FAM32A: variants seen among roughly 807,000 people sequenced by gnomAD.
The protein encoded by FAM32A is protein FAM32A.
Under a neutral mutation model 15.8 loss-of-function variants are expected in FAM32A, and 9 were observed. The observed-to-expected ratio is 0.57, with a 90% CI of 0.34 to 1.00. The LOEUF (loss-of-function observed/expected upper bound fraction) is 1.00. FAM32A is among the 50% of genes least tolerant of loss of function. The pLI is 0.02. For missense variants in FAM32A, 113 were observed against 138.3 expected (o/e 0.82, Z 0.92); for synonymous variants, 64 against 54.9 (o/e 1.16, Z -0.73).
At chr19:16,185,808 C>A (rs2091383604) in intron 2 of FAM32A, 43 bp downstream of exon 2, 1 of 1,535,976 alleles carries the variant, frequency 6.5e-7, no homozygotes, top group Non-Finnish European at 8.8e-7. Context: ...GAACACCCGG[C>A]GCCGGGAGAC....
chr19:16,188,432 G>T (rs2091393810), intron 2 of FAM32A, among the ~76,000 whole-genome samples: 1 of 152,188 alleles, frequency 6.6e-6, no homozygotes, highest in Non-Finnish European at 1.5e-5. Context: ...TTTAAAGAAG[G>T]TAAATGCAGT....
intron 1 of FAM32A, 26 bp from the exon 2 acceptor site, chr19:16,185,598 C>A (rs58030759): frequency 4.0e-5 from 64 of 1,596,904 alleles, no homozygotes; most frequent in Non-Finnish European, 5.0e-5. Context: ...TCCTCCGACC[C>A]GCCGCCTCCT....
intron 2 of FAM32A, among the ~76,000 whole-genome samples, 166 bp from the exon 3 acceptor site, chr19:16,190,354 T>C (rs897473750): frequency 1.3e-5 from 2 of 152,144 alleles, no homozygotes. Context: ...GGTTCCCTGT[T>C]GGACCAGCCT....
chr19:16,187,021 G>T (rs902063710), intron 2 of FAM32A, among the ~76,000 whole-genome samples: 1 of 152,130 alleles, frequency 6.6e-6, no homozygotes, highest in African/African-American at 2.4e-5. Context: ...GGGGAAAATG[G>T]ACCTTGGGGA....
At chr19:16,189,552 T>TCATAGGCA (rs1168567149) in intron 2 of FAM32A, 1 of 151,602 alleles carries the variant, frequency 6.6e-6, no homozygotes, top group Non-Finnish European at 1.5e-5. Context: ...AAGGGATGAA[T>TCATAGGCA]CATAGGCAGC....
At chr19:16,185,957 C>T (rs1203811272) in intron 2 of FAM32A, among the ~76,000 whole-genome samples, 192 bp downstream of exon 2, 1 of 152,142 alleles carries the variant, frequency 6.6e-6, no homozygotes, top group African/African-American at 2.4e-5. Flanking sequence ...TGAGAAGACC[C>T]CGCTGGCCCG....
At chr19:16,190,735 T>A in intron 3 of FAM32A, 152 bp from the exon 4 acceptor site, 2 of 846,054 alleles carry the variant, frequency 2.4e-6, no homozygotes, top group Non-Finnish European at 4.0e-6. Flanking sequence ...GAGCCCAGGG[T>A]TCAGGAGTCT....
At chr19:16,189,019 CTTTTTT>C (rs11340905) in intron 2 of FAM32A, among the ~76,000 whole-genome samples, 1 of 83,394 alleles carries the variant, frequency 1.2e-5, no homozygotes, top group African/African-American at 4.3e-5. Context: ...CTCAGTGCTT[CTTTTTT>C]TTTTTTTTTT....
chr19:16,188,047 A>G (rs1463651402), intron 2 of FAM32A, among the ~76,000 whole-genome samples: 1 of 152,206 alleles, frequency 6.6e-6, no homozygotes, highest in African/African-American at 2.4e-5. Context: ...TGCCTGGCCA[A>G]GTAAATGCAT....
chr19:16,190,675 A>C (rs1238328037), intron 3 of FAM32A, 102 bp downstream of exon 3: 8 of 995,252 alleles, frequency 8.0e-6, no homozygotes, highest in Non-Finnish European at 1.3e-5. Context: ...GTTGACGAGA[A>C]GGGAAGTTTA....
At position 16,191,246 on chromosome 19, in the gene FAM32A, TA is replaced by T; in HGVS notation, c.*296del. On this transcript the variant is annotated 3_prime_UTR_variant, in exon 4 of 4. Transcript: ENST00000263384. ...AAGCCCATTGTGTGTCTGTGTCATGTAAAAATGTTTTCACCCGAGTTGCATG... is the reference window on the plus strand; with the variant it reads ...AAGCCCATTGTGTGTCTGTGTCATGTAAAATGTTTTCACCCGAGTTGCATG... 5.0e-6 allele frequency: 2 copies of T among 401,908 alleles called. No individual in the cohort carries two copies. The highest frequency in any genetic ancestry group is 9.4e-6 in the Non-Finnish European group (2 of 212,618). The allele number at this position is 401,908 out of a possible 1,614,324, so 24.9% of individuals were successfully genotyped here. A position where few individuals can be genotyped will look rare whatever the true frequency, so the allele number is the denominator to read the frequency against.
chr19:16,189,668 C>CT lies in FAM32A; in HGVS notation c.217-826dup, dbSNP rs71178652. Among the ~76,000 whole-genome samples the CT allele has an allele frequency of 8.7e-3, 512 of 58,576 alleles. 84 individuals carry two copies. Among genetic ancestry groups the CT allele is most frequent in the African/African-American group, 0.023 (341 of 14,762 alleles). The allele number at this position is 58,576 out of a possible 152,430, so 38.4% of individuals were successfully genotyped here. On this transcript the variant is annotated intron_variant, in intron 2 of 3. Coordinates refer to ENST00000263384, the MANE Select transcript of FAM32A (RefSeq NM_014077.4). ...TGGCTTTATATCCCACACTCCAACT[C>CT]TTTTTTTTTTTTTTTTTTTTTTTTT...
In FAM32A at chr19:16,191,907, A is replaced by G. The variant is rs920728688; in HGVS notation, c.*952A>G. The G allele has an allele frequency of 1.3e-5, 2 of 152,248 alleles. No individual in the cohort carries two copies. Among genetic ancestry groups the G allele is most frequent in the African/African-American group, 4.8e-5 (2 of 41,462 alleles). 9.4% of individuals were successfully genotyped at this position (152,248 alleles called of 1,614,324 possible). ...CCTGTGCGTCCTGGCTGAGGATCAA[A>G]CCACATATGTTATTGGGAGAAACGA... On this transcript the variant is annotated 3_prime_UTR_variant, in exon 4 of 4. Coordinates refer to ENST00000263384, the MANE Select transcript of FAM32A (RefSeq NM_014077.4).
intron 2 of FAM32A, among the ~76,000 whole-genome samples, chr19:16,188,976 T>C (rs997432912): frequency 4.6e-5 from 7 of 151,326 alleles, no homozygotes; most frequent in Admixed American, 1.3e-4. Context: ...GGCTGCAGCA[T>C]CTAAGATGGC....
chr19:16,190,388 A>C, intron 2 of FAM32A, 132 bp from the exon 3 acceptor site: 2 of 615,482 alleles, frequency 3.2e-6, no homozygotes, highest in South Asian at 3.7e-5. Context: ...GGAGGGGGAC[A>C]AGGCACAGAG....
At position 16,185,727 on chromosome 19, in the gene FAM32A, C is replaced by T. The variant is rs1484368189; in HGVS notation, c.178C>T (p.Pro60Ser). The part of the protein sequence containing the change: ...EKRRGLDKRT[P>S]AQAAFEKMQE... ...GCGGCGCGGCCTGGACAAGCGGACC[C>T]CGGCCCAGGCGGCCTTCGAGAAAAT... is the stretch of plus-strand genomic sequence containing the variant. Residue 60 changes from proline to serine, a missense_variant, in exon 2 of 4, where the codon CCG becomes TCG. Pro to Ser is a moderately conservative substitution (Grantham distance 74, BLOSUM62 -1). Transcript: ENST00000263384. 3 of 1,555,164 alleles carry T rather than the reference C, an allele frequency of 1.9e-6. No homozygotes were observed. Among genetic ancestry groups the T allele is most frequent in the Non-Finnish European group, 2.6e-6 (3 of 1,148,414 alleles).
rs201483276 is a variant in FAM32A at position 16,190,964 on chromosome 19, C to T, written c.*9C>T. ...TCAGCTGGACGAAGTAGCCGCCTGC[C>T]CCCAGTATGGAGCAGCATCGAGGGT... On this transcript the variant is annotated 3_prime_UTR_variant, in exon 4 of 4. Coordinates refer to ENST00000263384, the MANE Select transcript of FAM32A (RefSeq NM_014077.4). 1.5e-4 allele frequency: 244 copies of T among 1,611,802 alleles called. 4 individuals are homozygous for T. The South Asian group carries it at 2.2e-3, about 14-fold the overall frequency.
chr19:16,190,601 C>G lies in FAM32A; in HGVS notation c.270+28C>G, dbSNP rs367625907. On this transcript the variant is annotated intron_variant, in intron 3 of 3. Coordinates refer to ENST00000263384, the MANE Select transcript of FAM32A (RefSeq NM_014077.4). ...GAGTCGCCGTGTCCAGTGGGGGAGA[C>G]TGAGCCATTCAGGGTCCCAGCTGGG... The G allele has an allele frequency of 1.0e-4, 166 of 1,588,876 alleles. No homozygotes were observed. The South Asian group carries it at 1.7e-3, about 16-fold the overall frequency.
intron 2 of FAM32A, among the ~76,000 whole-genome samples, chr19:16,187,148 C>A (rs2091389046): frequency 6.6e-6 from 1 of 152,128 alleles, no homozygotes; most frequent in Non-Finnish European, 1.5e-5. Context: ...AGTGGTGTGA[C>A]CCTGGGCAAG....
Sources: allele counts gnomAD v4.1 joint callset (sites outside exome capture counted in the v4.1 genomes callset), GRCh38; gene constraint gnomAD v4.1.1; transcripts MANE v1.5; gene names NCBI Gene and HGNC (gene_info 2026-07-23, HGNC 2026-07-21).